HIVEP1: variants seen among roughly 807,000 people sequenced by gnomAD.
HIVEP1 encodes zinc finger protein 40.
HIVEP1 carries 36 observed loss-of-function variants against 180.0 expected under a neutral mutation model. That is an observed-to-expected ratio of 0.20 (90% CI 0.15 to 0.26). HIVEP1 has a LOEUF of 0.26. Ranked by LOEUF, HIVEP1 falls within the 10% of genes least tolerant of loss-of-function variation. HIVEP1 has a pLI of 1.00. For synonymous variants in HIVEP1, 1,239 were observed against 1,239.0 expected, an observed-to-expected ratio of 1.00 and a Z score of 0.00; for missense variants, 3,143 against 3,268.7, an observed-to-expected ratio of 0.96 and a Z score of 0.94.
At chr6:12,061,124 G>C (rs1357030573) in intron 2 of HIVEP1, among the ~76,000 whole-genome samples, 1 of 152,158 alleles carries the variant, frequency 6.6e-6, no homozygotes, top group African/African-American at 2.4e-5. Flanking sequence ...ACGTGACTGT[G>C]CACATACCCC....
chr6:12,099,308 C>T (rs1378323797), intron 3 of HIVEP1, among the ~76,000 whole-genome samples: 1 of 150,946 alleles, frequency 6.6e-6, no homozygotes, highest in East Asian at 2.0e-4. Flanking sequence ...GCTAGGACTA[C>T]AGGCGCCCGC....
chr6:12,011,367 T>C (rs1363694936), upstream of HIVEP1, among the ~76,000 whole-genome samples: 6 of 134,134 alleles, frequency 4.5e-5, no homozygotes, highest in Non-Finnish European at 1.5e-5. Flanking sequence ...CATCCTGCTG[T>C]AGAAAGTAAA....
At chr6:12,188,229 A>G in the HIVEP1 span, among the ~76,000 whole-genome samples, 24 of 152,366 alleles carry the variant, frequency 1.6e-4, no homozygotes, top group African/African-American at 5.8e-4. Flanking sequence ...CAGTGATGCA[A>G]TGATATCTCC....
chr6:12,196,001 G>A, the HIVEP1 span, among the ~76,000 whole-genome samples: 2 of 152,144 alleles, frequency 1.3e-5, no homozygotes, highest in African/African-American at 4.8e-5. Context: ...CATTTGATAA[G>A]GTCTTTTGTA....
At chr6:12,168,232 CATATATATTATATATACAGATATACGTGT>C (rs1562024764), downstream of HIVEP1, among the ~76,000 whole-genome samples, 50 of 79,752 alleles carry the variant, frequency 6.3e-4, no homozygotes, top group South Asian at 2.1e-3. Context: ...ATATTATATA[CATATATATTATATATACAGATATACGTGT>C]ATATATACAT....
At chr6:12,015,809 C>T in intron 2 of HIVEP1, 141 bp downstream of exon 2, 2 of 680,970 alleles carry the variant, frequency 2.9e-6, no homozygotes, top group East Asian at 5.2e-5. Context: ...TTCCAGCAGT[C>T]CTGCACAATT....
intron 2 of HIVEP1, among the ~76,000 whole-genome samples, chr6:12,034,488 A>T (rs1371274679): frequency 6.6e-6 from 1 of 152,224 alleles, no homozygotes; most frequent in African/African-American, 2.4e-5. Context: ...TCTGGCATAC[A>T]TTGTAGCCTC....
the HIVEP1 span, among the ~76,000 whole-genome samples, chr6:12,173,015 A>G: frequency 2.0e-5 from 3 of 152,200 alleles, no homozygotes; most frequent in South Asian, 6.2e-4. Context: ...AATAGGAGCC[A>G]TAAAAATATT....
intron 3 of HIVEP1, among the ~76,000 whole-genome samples, chr6:12,107,516 C>T (rs1480887361): frequency 3.9e-5 from 6 of 152,176 alleles, no homozygotes; most frequent in African/African-American, 1.2e-4. Flanking sequence ...AAGAATGAAG[C>T]TGCGGACCCT....
rs749439962 is a variant in HIVEP1, at chr6:12,121,919, A to G, written c.2124A>G (p.Gly708=). The G allele has an allele frequency of 6.2e-7, 1 of 1,614,122 alleles. No homozygotes were observed. Among genetic ancestry groups the G allele is most frequent in the Admixed American group, 1.7e-5 (1 of 60,016 alleles). Residue 708 remains glycine (G), a synonymous_variant, in exon 4 of 9, where the codon GGA becomes GGG. Coordinates refer to ENST00000379388, the MANE Select transcript of HIVEP1 (RefSeq NM_002114.4). The surrounding 1 kb of genome is among the most constrained non-coding windows in gnomAD (Gnocchi z 5.3). ...STEQDSGRSN[G]PSAALVTTST... is the part of the protein sequence containing the mutation. ...AACAAGACTCTGGAAGGAGTAACGG[A>G]CCCTCTGCAGCTCTTGTCACCACGT...
At position 12,015,383 on chromosome 6, in the gene HIVEP1, AAAGTTAGT is replaced by A. The variant is rs1414748456; in HGVS notation, c.-103-140_-103-133del. 8 of 390,716 alleles carry A rather than the reference AAAGTTAGT, an allele frequency of 2.0e-5. No homozygotes were observed. The Admixed American group carries it at 3.1e-4, about 15-fold the overall frequency. 24.2% of individuals were successfully genotyped at this position (390,716 alleles called of 1,614,324 possible). The stretch of plus-strand genomic sequence containing the variant: ...TGACAAAATGACCTCTGTTTAATTA[AAAGTTAGT>A]AATCTTTTGCAGTGGTGCCCAGCTT... On this transcript the variant is annotated intron_variant, in intron 1 of 8. Transcript: ENST00000379388.
intron 2 of HIVEP1, among the ~76,000 whole-genome samples, chr6:12,025,331 A>G (rs1768508317): frequency 1.3e-5 from 2 of 152,148 alleles, no homozygotes; most frequent in Middle Eastern, 3.2e-3. Flanking sequence ...TAAGCCTTTA[A>G]TTGTTTAGAA....
downstream of HIVEP1, among the ~76,000 whole-genome samples, chr6:12,168,408 T>G (rs1760817824): frequency 7.1e-6 from 1 of 141,490 alleles, no homozygotes; most frequent in African/African-American, 2.6e-5. Flanking sequence ...TTTTATATAA[T>G]ATATTTTAGT....
At chr6:12,167,735 T>C (rs1433587536), downstream of HIVEP1, among the ~76,000 whole-genome samples, 1 of 136,436 alleles carries the variant, frequency 7.3e-6, no homozygotes, top group Non-Finnish European at 1.6e-5. Flanking sequence ...CATATATACA[T>C]GTGTATATGT....
chr6:12,162,025 A>G (rs1760441629), intron 8 of HIVEP1, 96 bp downstream of exon 8: 1 of 1,153,908 alleles, frequency 8.7e-7, no homozygotes, highest in African/African-American at 1.5e-5. Context: ...CACTTAAGTG[A>G]TTTTTTTAGG....
the HIVEP1 span, among the ~76,000 whole-genome samples, chr6:12,191,491 G>A: frequency 6.6e-6 from 1 of 152,196 alleles, no homozygotes; most frequent in African/African-American, 2.4e-5. Context: ...CTACTCAGGA[G>A]GCTGAGGTGG....
intron 2 of HIVEP1, among the ~76,000 whole-genome samples, chr6:12,034,911 G>A (rs1769179188): frequency 6.6e-6 from 1 of 152,168 alleles, no homozygotes; most frequent in South Asian, 2.1e-4. Flanking sequence ...GGAAGTGCAG[G>A]ATCTCAACGA....
chr6:12,210,014 A>G, the HIVEP1 span, among the ~76,000 whole-genome samples: 2 of 152,130 alleles, frequency 1.3e-5, no homozygotes, highest in Admixed American at 6.6e-5. Context: ...CTACTCGGAG[A>G]ATCGCTTGAA....
At chr6:12,089,867 T>TAC (rs1328131829) in intron 3 of HIVEP1, among the ~76,000 whole-genome samples, 1 of 152,046 alleles carries the variant, frequency 6.6e-6, no homozygotes, top group Admixed American at 6.6e-5. Context: ...TATATATATA[T>TAC]ACGCATACAC....
Sources: allele counts gnomAD v4.1 joint callset (sites outside exome capture counted in the v4.1 genomes callset), GRCh38; gene constraint gnomAD v4.1.1; non-coding constraint Gnocchi (gnomAD v3.1); transcripts MANE v1.5; gene names NCBI Gene and HGNC (gene_info 2026-07-23, HGNC 2026-07-21).